KAT6B: variants seen among roughly 807,000 people sequenced by gnomAD.
The protein encoded by KAT6B is histone acetyltransferase KAT6B.
A neutral mutation model predicts 187.5 loss-of-function variants in KAT6B; 10 were observed. The observed-to-expected ratio is 0.05, with a 90% confidence interval of 0.03 to 0.09. The LOEUF (loss-of-function observed/expected upper bound fraction) is 0.09. Ranked by LOEUF, KAT6B falls within the 10% of genes least tolerant of loss-of-function variation. The pLI, the probability that KAT6B is intolerant of heterozygous loss-of-function variation, is 1.00. For synonymous variants in KAT6B, 861 were observed against 926.8 expected (o/e 0.93, Z 1.29); for missense variants, 1,952 against 2,558.9 (o/e 0.76, Z 5.12).
At chr10:75,003,379 C>T (rs181289962) in intron 13 of KAT6B, among the ~76,000 whole-genome samples, 34 of 152,322 alleles carry the variant, frequency 2.2e-4, no homozygotes, top group Admixed American at 4.6e-4. Flanking sequence ...CCAGCAGCTA[C>T]GCTCCTGGGT....
chr10:74,965,724 A>G (rs1161797721), intron 4 of KAT6B, among the ~76,000 whole-genome samples: 1 of 150,618 alleles, frequency 6.6e-6, no homozygotes, highest in African/African-American at 2.4e-5. Context: ...GTGAGGATCC[A>G]TGTTCTTTTT....
chr10:75,017,076 T>C (rs943793530), intron 13 of KAT6B, among the ~76,000 whole-genome samples: 2 of 152,126 alleles, frequency 1.3e-5, no homozygotes, highest in African/African-American at 2.4e-5. Context: ...TTGGTCAGGC[T>C]GGTCTCGAAC....
rs2134235938 is a variant in KAT6B, at chr10:75,028,830, A to G, written c.4006A>G (p.Asn1336Asp). Residue 1336 changes from asparagine (N) to aspartate (D), a missense_variant, in exon 18 of 18, where the codon AAC becomes GAC. Physicochemically the swap from Asn to Asp is conservative, Grantham distance 23. Around this residue, in one of 9 missense-constraint regions of KAT6B, gnomAD observed 758 missense variants for 891.4 expected, o/e 0.85. Transcript: ENST00000287239. ...AGAAACATGTGCCCCTGTAAGTCCA[A>G]ACACATCACCAGGTGAAAAACCAGA... The part of the protein sequence containing the change: ...REETCAPVSP[N>D]TSPGEKPEDD... 1.2e-6 allele frequency: 2 copies of G among 1,614,146 alleles called. No homozygotes were observed. The highest frequency in any genetic ancestry group is 1.7e-6 in the Non-Finnish European group (2 of 1,180,042).
At chr10:74,833,133 T>TC (rs1564894071) in intron 1 of KAT6B, among the ~76,000 whole-genome samples, 1 of 59,952 alleles carries the variant, frequency 1.7e-5, no homozygotes, top group East Asian at 4.5e-4. Flanking sequence ...AGACTCTGTC[T>TC]CAAAAAAAAA....
chr10:74,875,760 C>T lies in KAT6B; in HGVS notation c.621+32282C>T, dbSNP rs544852754. On this transcript the variant is annotated intron_variant, in intron 3 of 17. Coordinates refer to ENST00000287239, the MANE Select transcript of KAT6B (RefSeq NM_012330.4). ...GGATTACAGGCATGAGCCACTGTGC[C>T]CAGCCTGTCTTCCTTTTTCTCAAAC... Among the ~76,000 whole-genome samples, 3 of 152,294 alleles carry T rather than the reference C, an allele frequency of 2.0e-5. No homozygotes were observed. The East Asian group carries it at 5.8e-4, about 29-fold the overall frequency.
chr10:74,976,385 A>T (rs957458601), intron 8 of KAT6B, 55 bp downstream of exon 8: 1 of 1,447,490 alleles, frequency 6.9e-7, no homozygotes, highest in Non-Finnish European at 9.6e-7. Context: ...TTTCTCCCCA[A>T]CCCTGAAAAA....
At chr10:74,976,751 C>A in intron 8 of KAT6B, 1 of 301,698 alleles carries the variant, frequency 3.3e-6, no homozygotes, top group Non-Finnish European at 6.3e-6. Flanking sequence ...CCCTCTGCTC[C>A]ATTGCTTTCT....
Position 74,960,056 on chromosome 10 carries a change from T to C in KAT6B, c.708T>C (p.Ser236=). 1 of 1,609,970 alleles carries C rather than the reference T, an allele frequency of 6.2e-7. No homozygotes were observed. The highest frequency in any genetic ancestry group is 8.5e-7 in the Non-Finnish European group (1 of 1,176,166). The change falls in exon 4 of 18, where the codon TCT becomes TCC. Residue 236 remains serine (S), a synonymous_variant. Transcript: ENST00000287239. ...AAAAGAAACCAGAAGAACTCCTCTC[T>C]TGTGCAGATTGTGGCAGTAGTGGTA... ...NREKKPEELL[S]CADCGSSGHP... is the part of the protein sequence containing the mutation.
intron 1 of KAT6B, among the ~76,000 whole-genome samples, chr10:74,829,305 T>C (rs1840551098): frequency 6.6e-6 from 1 of 152,248 alleles, no homozygotes; most frequent in South Asian, 2.1e-4. Context: ...AATTTTAATG[T>C]GCTTCATAAG....
chr10:74,925,053 T>C, intron 3 of KAT6B, among the ~76,000 whole-genome samples: 1 of 152,200 alleles, frequency 6.6e-6, no homozygotes, highest in East Asian at 1.9e-4. Context: ...CTTTTATTTA[T>C]TTTTTATTTT....
intron 11 of KAT6B, chr10:74,984,290 G>T (rs1169090990): frequency 6.6e-6 from 1 of 152,192 alleles, no homozygotes; most frequent in Admixed American, 6.5e-5. Flanking sequence ...CAGAGCTCTG[G>T]TTAGCAAATA....
intron 3 of KAT6B, among the ~76,000 whole-genome samples, chr10:74,872,635 C>T (rs1821892640): frequency 6.6e-6 from 1 of 152,064 alleles, no homozygotes; most frequent in South Asian, 2.1e-4. Context: ...ACCTCAGGCT[C>T]CTGAGTAGCT....
At chr10:74,969,322 T>C (rs1841699729) in intron 4 of KAT6B, among the ~76,000 whole-genome samples, 1 of 152,140 alleles carries the variant, frequency 6.6e-6, no homozygotes, top group Non-Finnish European at 1.5e-5. Flanking sequence ...CCTGGGTAGA[T>C]GGTGGTTGAT....
chr10:74,864,369 T>C (rs1843407917), intron 3 of KAT6B, among the ~76,000 whole-genome samples: 1 of 152,158 alleles, frequency 6.6e-6, no homozygotes, highest in Admixed American at 6.5e-5. Flanking sequence ...GCCTCCTGAA[T>C]AGCTGGGATT....
chr10:74,852,735 T>G (rs1209725333), intron 3 of KAT6B, among the ~76,000 whole-genome samples: 3 of 152,224 alleles, frequency 2.0e-5, no homozygotes, highest in Admixed American at 1.3e-4. Flanking sequence ...AAGAGGATTT[T>G]TGGTTGTTCA....
intron 3 of KAT6B, among the ~76,000 whole-genome samples, chr10:74,940,143 A>G (rs1297541224): frequency 6.6e-6 from 1 of 152,200 alleles, no homozygotes; most frequent in Non-Finnish European, 1.5e-5. Context: ...CTTACTTTCT[A>G]TTAAAATGTC....
chr10:74,993,546 T>C (rs968405303), intron 13 of KAT6B, among the ~76,000 whole-genome samples: 4 of 152,222 alleles, frequency 2.6e-5, no homozygotes, highest in Admixed American at 2.6e-4. Context: ...ATCAAGATAT[T>C]AAAGTAATTT....
chr10:74,875,086 G>A (rs1260330718), intron 3 of KAT6B, among the ~76,000 whole-genome samples: 2 of 152,056 alleles, frequency 1.3e-5, no homozygotes, highest in African/African-American at 2.4e-5. Context: ...ATATTCTATG[G>A]GTGTGAGATA....
intron 3 of KAT6B, among the ~76,000 whole-genome samples, chr10:74,888,951 T>C (rs1175646590): frequency 2.0e-5 from 3 of 152,254 alleles, no homozygotes; most frequent in African/African-American, 7.2e-5. Flanking sequence ...TATATGTATT[T>C]GTAAATTCTA....
Sources: allele counts gnomAD v4.1 joint callset (sites outside exome capture counted in the v4.1 genomes callset), GRCh38; gene constraint gnomAD v4.1.1; regional missense constraint gnomAD v4.1.1; transcripts MANE v1.5; gene names NCBI Gene and HGNC (gene_info 2026-07-23, HGNC 2026-07-21).